The following KCTD8 variants were observed in gnomAD, a reference collection of about 807,000 sequenced individuals.
KCTD8 encodes potassium channel tetramerization domain containing 8, also known as BTB/POZ domain-containing protein KCTD8.
A neutral mutation model predicts 31.5 loss-of-function variants in KCTD8; 27 were observed. That is an observed-to-expected ratio of 0.86 (90% CI 0.63 to 1.18). The LOEUF is 1.18. KCTD8 is among the 50% of genes most tolerant of loss of function. The pLI, the probability that KCTD8 is intolerant of heterozygous loss-of-function variation, is 0.00. For synonymous variants in KCTD8, 290 were observed against 280.0 expected (o/e 1.04, Z -0.36); for missense variants, 658 against 647.7 (o/e 1.02, Z -0.17).
chr4:44,391,148 T>C (rs1300093864), intron 1 of KCTD8, among the ~76,000 whole-genome samples: 1 of 151,874 alleles, frequency 6.6e-6, no homozygotes, highest in African/African-American at 2.4e-5. Context: ...GGCATAAGAA[T>C]GATACATGGA....
At chr4:44,212,280 CT>C (rs1209412727) in intron 1 of KCTD8, among the ~76,000 whole-genome samples, 1 of 152,200 alleles carries the variant, frequency 6.6e-6, no homozygotes, top group Non-Finnish European at 1.5e-5. Flanking sequence ...ATACTCTACT[CT>C]AATTATTCAA....
At chr4:44,272,121 T>TTATATATATATA (rs34459205) in intron 1 of KCTD8, among the ~76,000 whole-genome samples, 10 of 142,526 alleles carry the variant, frequency 7.0e-5, no homozygotes, top group African/African-American at 2.7e-4. Context: ...TGGTATTATA[T>TTATATATATATA]TATATATATA....
chr4:44,207,831 A>C (rs1714361473), intron 1 of KCTD8, among the ~76,000 whole-genome samples: 1 of 152,206 alleles, frequency 6.6e-6, no homozygotes, highest in South Asian at 2.1e-4. Flanking sequence ...GGGAAGCCTA[A>C]GATAATGCTG....
At chr4:44,445,933 C>A (rs1367088564) in intron 1 of KCTD8, among the ~76,000 whole-genome samples, 2 of 152,162 alleles carry the variant, frequency 1.3e-5, no homozygotes, top group Admixed American at 1.3e-4. Context: ...CAATTTTATA[C>A]AAGCAATAAA....
chr4:44,208,309 C>A (rs1440036101), intron 1 of KCTD8, among the ~76,000 whole-genome samples: 4 of 152,116 alleles, frequency 2.6e-5, no homozygotes, highest in Admixed American at 2.0e-4. Flanking sequence ...CTAACATCTG[C>A]CCCTGTGTAT....
intron 1 of KCTD8, among the ~76,000 whole-genome samples, chr4:44,362,879 A>C (rs559654015): frequency 6.6e-6 from 1 of 152,168 alleles, no homozygotes; most frequent in East Asian, 1.9e-4. Context: ...GATTAGAAAT[A>C]TAATTTTTAA....
intron 1 of KCTD8, among the ~76,000 whole-genome samples, chr4:44,431,336 T>C (rs1721497251): frequency 6.6e-6 from 1 of 151,512 alleles, no homozygotes; most frequent in Non-Finnish European, 1.5e-5. Context: ...ACTCCCTTCA[T>C]GTCTTCTCTT....
intron 1 of KCTD8, among the ~76,000 whole-genome samples, chr4:44,229,690 T>C (rs987747490): frequency 1.3e-5 from 2 of 151,492 alleles, no homozygotes; most frequent in Admixed American, 6.6e-5. Flanking sequence ...TCTCTTGTTC[T>C]AAAGCCTTTT....
intron 1 of KCTD8, among the ~76,000 whole-genome samples, chr4:44,210,345 A>T (rs574680456): frequency 6.6e-6 from 1 of 152,282 alleles, no homozygotes; most frequent in African/African-American, 2.4e-5. Flanking sequence ...TATCTTATAC[A>T]TGTATTGTCT....
At chr4:44,251,741 G>A (rs1426587594) in intron 1 of KCTD8, among the ~76,000 whole-genome samples, 1 of 151,146 alleles carries the variant, frequency 6.6e-6, no homozygotes, top group East Asian at 1.9e-4. Flanking sequence ...GTCTTGGAAG[G>A]TAACCTTTAT....
intron 1 of KCTD8, among the ~76,000 whole-genome samples, chr4:44,285,636 T>A (rs1240525706): frequency 6.6e-6 from 1 of 152,066 alleles, no homozygotes; most frequent in Non-Finnish European, 1.5e-5. Flanking sequence ...GATATATTAC[T>A]GCTTATTGAC....
intron 1 of KCTD8, among the ~76,000 whole-genome samples, chr4:44,427,665 CACT>C (rs548635556): frequency 2.8e-4 from 42 of 151,634 alleles, no homozygotes; most frequent in African/African-American, 8.7e-4. Context: ...CACAAAACCA[CACT>C]AATAAAAATA....
chr4:44,437,984 C>G (rs1350951690), intron 1 of KCTD8, among the ~76,000 whole-genome samples: 1 of 152,122 alleles, frequency 6.6e-6, no homozygotes, highest in East Asian at 1.9e-4. Flanking sequence ...CCTCCCACCA[C>G]TCACTATAAA....
rs559997710 is a variant in KCTD8 at position 44,267,273 on chromosome 4, A to C, written c.962-92023T>G. Among the ~76,000 whole-genome samples the C allele has an allele frequency of 6.5e-3, 989 of 152,348 alleles. 12 individuals are homozygous for C. The highest frequency in any genetic ancestry group is 0.021 in the African/African-American group (875 of 41,582). ...AACCGCTGAACTACATGGAAACTGA[A>C]CAACCTGCTCCTGAATGACTACTGG... is the stretch of plus-strand genomic sequence containing the variant. On this transcript the variant is annotated intron_variant, in intron 1 of 1. Transcript: ENST00000360029.
At chr4:44,382,368 T>C (rs1399181771) in intron 1 of KCTD8, among the ~76,000 whole-genome samples, 1 of 152,010 alleles carries the variant, frequency 6.6e-6, no homozygotes, top group Non-Finnish European at 1.5e-5. Context: ...ATAAAGGCCA[T>C]ATATGACAAA....
chr4:44,270,565 G>A (rs1203747522), intron 1 of KCTD8, among the ~76,000 whole-genome samples: 1 of 151,396 alleles, frequency 6.6e-6, no homozygotes, highest in East Asian at 1.9e-4. Context: ...AAAAGAAGGT[G>A]ACCTTAGGCC....
intron 1 of KCTD8, among the ~76,000 whole-genome samples, chr4:44,426,267 G>T (rs1721342747): frequency 6.6e-6 from 1 of 151,488 alleles, no homozygotes; most frequent in Non-Finnish European, 1.5e-5. Context: ...AACAGAGGAA[G>T]AAAATAATCA....
chr4:44,304,518 A>T (rs1048222781), intron 1 of KCTD8, among the ~76,000 whole-genome samples: 2 of 152,144 alleles, frequency 1.3e-5, no homozygotes, highest in African/African-American at 4.8e-5. Context: ...CATAACATCT[A>T]GTCAACATAA....
intron 1 of KCTD8, among the ~76,000 whole-genome samples, chr4:44,408,243 C>A (rs1294074036): frequency 5.9e-5 from 9 of 152,128 alleles, no homozygotes. Flanking sequence ...TTAGCATGGA[C>A]AAGTGATTTT....
Sources: allele counts gnomAD v4.1 joint callset (sites outside exome capture counted in the v4.1 genomes callset), GRCh38; gene constraint gnomAD v4.1.1; transcripts MANE v1.5; gene names NCBI Gene and HGNC (gene_info 2026-07-23, HGNC 2026-07-21).